The following PCDH15 variants were observed in gnomAD, a reference collection of about 807,000 sequenced individuals.
PCDH15 encodes the protein protocadherin related 15.
PCDH15 carries 129 observed loss-of-function variants against 178.5 expected under a neutral mutation model. The observed-to-expected ratio is 0.72, with a 90% CI of 0.63 to 0.84. PCDH15 has a LOEUF of 0.84. Ranked by LOEUF, PCDH15 falls within the 40% of genes least tolerant of loss-of-function variation. The probability of loss-of-function intolerance (pLI) is 0.00; values close to 1 mark genes in which losing one functional copy is unlikely to be tolerated. For synonymous variants in PCDH15, 800 were observed against 732.0 expected, an observed-to-expected ratio of 1.09 and a Z score of -1.50; for missense variants, 2,230 against 2,099.9, an observed-to-expected ratio of 1.06 and a Z score of -1.21.
chr10:55,452,476 T>G (rs926629127), intron 2 of PCDH15, among the ~76,000 whole-genome samples: 3 of 152,176 alleles, frequency 2.0e-5, no homozygotes, highest in African/African-American at 7.2e-5. Context: ...GTTACAGGAA[T>G]CTAGATTCTG....
chr10:54,380,456 A>C (rs974371166), intron 3 of PCDH15, among the ~76,000 whole-genome samples: 3 of 151,476 alleles, frequency 2.0e-5, no homozygotes, highest in Admixed American at 6.6e-5. Flanking sequence ...CAAATACTTC[A>C]CACAACTCAC....
intron 2 of PCDH15, among the ~76,000 whole-genome samples, chr10:55,336,124 GAA>G (rs748988261): frequency 2.0e-3 from 117 of 59,260 alleles, no homozygotes; most frequent in South Asian, 7.3e-3. Context: ...CTTGGTATTT[GAA>G]AAAAAAAAAA....
chr10:54,877,938 CT>C (rs1203452904), intron 3 of PCDH15, among the ~76,000 whole-genome samples: 2 of 8,084 alleles, frequency 2.5e-4, no homozygotes, highest in African/African-American at 9.9e-4. Context: ...CTCTCTCTCT[CT>C]TTTTTTTTTT....
Position 53,804,344 on chromosome 10 carries a change from T to A in PCDH15, c.*2235A>T, listed in dbSNP as rs1425174942. 6.6e-6 allele frequency: 1 copy of A among 152,030 alleles called. No homozygotes were observed. The allele number at this position is 152,030 out of a possible 1,614,324, so 9.4% of individuals were successfully genotyped here. The stretch of plus-strand genomic sequence containing the variant: ...CATCTCATATGTCAGGCCACTAGAC[T>A]TCTGCCAACATCATATTTCCAAATC... On this transcript the variant is annotated 3_prime_UTR_variant, in exon 38 of 38. Transcript: ENST00000644397.
At chr10:55,285,623 T>C (rs1392185523) in intron 1 of PCDH15, among the ~76,000 whole-genome samples, 2 of 151,868 alleles carry the variant, frequency 1.3e-5, no homozygotes, top group Non-Finnish European at 2.9e-5. Context: ...ATTTTTTTCT[T>C]AGGATTAATT....
intron 21 of PCDH15, among the ~76,000 whole-genome samples, chr10:53,990,268 G>A (rs1314435631): frequency 6.6e-6 from 1 of 151,890 alleles, no homozygotes; most frequent in Non-Finnish European, 1.5e-5. Flanking sequence ...CGCTACAATA[G>A]TTCTCAAAAT....
At chr10:54,144,440 C>T (rs910562051) in intron 14 of PCDH15, among the ~76,000 whole-genome samples, 4 of 152,106 alleles carry the variant, frequency 2.6e-5, no homozygotes, top group Non-Finnish European at 5.9e-5. Context: ...AGAAATGAAA[C>T]GCACCAGATC....
intron 1 of PCDH15, among the ~76,000 whole-genome samples, chr10:55,251,858 A>G (rs1841846858): frequency 6.6e-6 from 1 of 152,208 alleles, no homozygotes; most frequent in African/African-American, 2.4e-5. Flanking sequence ...TGAGTAGGAC[A>G]GATCCGCTAA....
At chr10:55,057,059 G>A (rs1841324725) in intron 2 of PCDH15, among the ~76,000 whole-genome samples, 2 of 152,136 alleles carry the variant, frequency 1.3e-5, no homozygotes, top group South Asian at 4.2e-4. Context: ...TTAAATGAAT[G>A]AACAAATAGG....
intron 3 of PCDH15, among the ~76,000 whole-genome samples, chr10:54,807,760 TA>T (rs1389984206): frequency 6.7e-6 from 1 of 149,698 alleles, no homozygotes; most frequent in Non-Finnish European, 1.5e-5. Flanking sequence ...TATAATAGTA[TA>T]AAAATTCACA....
At chr10:54,552,392 T>C (rs980923133) in intron 2 of PCDH15, among the ~76,000 whole-genome samples, 1 of 152,180 alleles carries the variant, frequency 6.6e-6, no homozygotes, top group African/African-American at 2.4e-5. Context: ...AGTATGAGAA[T>C]TAAGCCTTTA....
intron 1 of PCDH15, among the ~76,000 whole-genome samples, chr10:54,759,847 T>G (rs948934619): frequency 6.6e-6 from 1 of 152,196 alleles, no homozygotes; most frequent in Non-Finnish European, 1.5e-5. Context: ...TGGGTGCCTC[T>G]GTACAGCTGC....
chr10:53,837,037 TC>T (rs2077348253), intron 29 of PCDH15, among the ~76,000 whole-genome samples: 1 of 151,092 alleles, frequency 6.6e-6, no homozygotes, highest in South Asian at 2.1e-4. Flanking sequence ...ATCAGTGAAT[TC>T]AAAAATAGGG....
chr10:54,122,913 C>A (rs1216469783), intron 15 of PCDH15, among the ~76,000 whole-genome samples: 2 of 150,466 alleles, frequency 1.3e-5, no homozygotes, highest in African/African-American at 4.9e-5. Flanking sequence ...AAAATAAGCA[C>A]TGTGGAAAGG....
intron 3 of PCDH15, among the ~76,000 whole-genome samples, chr10:54,473,142 T>C (rs1314499470): frequency 6.6e-6 from 1 of 151,944 alleles, no homozygotes; most frequent in South Asian, 2.1e-4. Context: ...AGCCGGAAAA[T>C]GGTAAGAAGA....
intron 3 of PCDH15, among the ~76,000 whole-genome samples, chr10:54,847,615 C>T (rs1953538160): frequency 6.6e-6 from 1 of 152,108 alleles, no homozygotes; most frequent in Non-Finnish European, 1.5e-5. Context: ...CAATACACTT[C>T]AGGACATTGT....
intron 1 of PCDH15, among the ~76,000 whole-genome samples, chr10:55,182,711 C>T (rs1839684875): frequency 6.6e-6 from 1 of 151,874 alleles, no homozygotes; most frequent in South Asian, 2.1e-4. Flanking sequence ...CGTTTTAATG[C>T]ATAGCAGCAC....
intron 2 of PCDH15, among the ~76,000 whole-genome samples, chr10:54,947,587 T>C (rs1838225664): frequency 6.6e-6 from 1 of 151,800 alleles, no homozygotes; most frequent in Non-Finnish European, 1.5e-5. Flanking sequence ...TACTTTTTAG[T>C]TTAATGTCTA....
chr10:55,410,963 G>GA (rs35966512), intron 2 of PCDH15, among the ~76,000 whole-genome samples: 3 of 151,708 alleles, frequency 2.0e-5, no homozygotes, highest in African/African-American at 4.8e-5. Context: ...TGCCTTTACT[G>GA]AAAAAAAATC....
Sources: allele counts gnomAD v4.1 joint callset (sites outside exome capture counted in the v4.1 genomes callset), GRCh38; gene constraint gnomAD v4.1.1; transcripts MANE v1.5; gene names NCBI Gene and HGNC (gene_info 2026-07-23, HGNC 2026-07-21).